Variants in PLEKHF2 observed in about 807,000 individuals in gnomAD.
The protein encoded by PLEKHF2 is pleckstrin homology domain-containing family F member 2.
A neutral mutation model predicts 14.7 loss-of-function variants in PLEKHF2; 4 were observed. The observed-to-expected ratio is 0.27, with a 90% CI of 0.13 to 0.62. PLEKHF2 has a LOEUF of 0.62. Ranked by LOEUF, PLEKHF2 falls within the 20% of genes least tolerant of loss-of-function variation. The probability of loss-of-function intolerance (pLI) is 0.85; values close to 1 mark genes in which losing one functional copy is unlikely to be tolerated. For synonymous variants in PLEKHF2, 90 were observed against 103.5 expected, an observed-to-expected ratio of 0.87 and a Z score of 0.79; for missense variants, 201 against 307.7, an observed-to-expected ratio of 0.65 and a Z score of 2.60.
intron 1 of PLEKHF2, among the ~76,000 whole-genome samples, chr8:95,148,116 A>G (rs1005696256): frequency 1.3e-5 from 2 of 152,100 alleles, no homozygotes; most frequent in South Asian, 2.1e-4. Flanking sequence ...GATGTTTCCT[A>G]TTTCAGATAT....
chr8:95,134,862 C>T (rs1410017357), intron 1 of PLEKHF2, among the ~76,000 whole-genome samples: 2 of 152,122 alleles, frequency 1.3e-5, no homozygotes, highest in African/African-American at 2.4e-5. Context: ...TGAAGAGACT[C>T]ATTAAAGAAA....
chr8:95,137,786 A>G (rs1810392133), intron 1 of PLEKHF2, among the ~76,000 whole-genome samples: 1 of 152,272 alleles, frequency 6.6e-6, no homozygotes. Context: ...CTGCTACTCT[A>G]CAACAGCAGC....
At chr8:95,134,352 C>G (rs1810353061) in intron 1 of PLEKHF2, 1 of 150,198 alleles carries the variant, frequency 6.7e-6, no homozygotes, top group Admixed American at 6.6e-5. Flanking sequence ...GTCCACGGGT[C>G]TGCGGGGCGG....
In PLEKHF2 at chr8:95,156,135, C is replaced by T. The variant is rs990644334; in HGVS notation, c.*1341C>T. ...TATATTTATCATATAAAACTTGATG[C>T]GTTTTGCACTACTCTTTCCATTTAT... On this transcript the variant is annotated 3_prime_UTR_variant, in exon 2 of 2. Coordinates refer to ENST00000315367, the MANE Select transcript of PLEKHF2 (RefSeq NM_024613.4). 4.8e-5 allele frequency: 8 copies of T among 166,968 alleles called. No individual in the cohort carries two copies. The highest frequency in any genetic ancestry group is 1.7e-4 in the African/African-American group (7 of 41,416). 10.3% of individuals were successfully genotyped at this position (166,968 alleles called of 1,614,324 possible).
At chr8:95,138,851 A>G (rs1419241149) in intron 1 of PLEKHF2, among the ~76,000 whole-genome samples, 1 of 152,186 alleles carries the variant, frequency 6.6e-6, no homozygotes, top group Non-Finnish European at 1.5e-5. Context: ...GCTTTTCTAT[A>G]TTATAGACAA....
At chr8:95,143,312 G>C (rs184878947) in intron 1 of PLEKHF2, among the ~76,000 whole-genome samples, 47 of 152,064 alleles carry the variant, frequency 3.1e-4, no homozygotes, top group African/African-American at 1.0e-3. Flanking sequence ...TGTTAGCCAG[G>C]ATGGTTTCGA....
rs748158546 is a variant in PLEKHF2, at chr8:95,154,393, A to G, written c.349A>G (p.Thr117Ala). 3.7e-6 allele frequency: 6 copies of G among 1,614,166 alleles called. No individual in the cohort carries two copies. Among genetic ancestry groups the G allele is most frequent in the Non-Finnish European group, 4.2e-6 (5 of 1,180,010 alleles). ...TTTTGCAGTTTATGCTGCCACTGCT[A>G]CGGAGAAATCAGAATGGATGAATCA... is the stretch of plus-strand genomic sequence containing the variant. ...KSFAVYAATATEKSEWMNHIN... is the reference protein window; with the variant it reads ...KSFAVYAATAAEKSEWMNHIN... The change falls in exon 2 of 2, where the codon ACG (threonine) becomes GCG (alanine). Residue 117 changes from threonine (T) to alanine (A), a missense_variant. Physicochemically the swap from Thr to Ala is moderately conservative, Grantham distance 58. Transcript: ENST00000315367. The surrounding 1 kb of genome is among the most constrained non-coding windows in gnomAD (Gnocchi z 5.6).
intron 1 of PLEKHF2, among the ~76,000 whole-genome samples, chr8:95,143,093 C>CTTTTTTTTTTTTTTTTTTTT (rs35086823): frequency 2.8e-5 from 4 of 141,046 alleles, no homozygotes; most frequent in Non-Finnish European, 3.1e-5. Context: ...AGGAAATAAT[C>CTTTTTTTTTTTTTTTTTTTT]TTTTTTTTTT....
chr8:95,142,336 C>T (rs1381785682), intron 1 of PLEKHF2, among the ~76,000 whole-genome samples: 1 of 152,094 alleles, frequency 6.6e-6, no homozygotes, highest in African/African-American at 2.4e-5. Flanking sequence ...TTCACTGCAG[C>T]GTTGGCCCCC....
In PLEKHF2 at chr8:95,154,150, C is replaced by T; in HGVS notation, c.106C>T (p.Leu36Phe). Residue 36 changes from leucine to phenylalanine, a missense_variant, in exon 2 of 2, where the codon CTT becomes TTT. Transcript: ENST00000315367. This position sits in a 1 kb window ranked among gnomAD's most constrained non-coding sequence, Gnocchi z 5.6. ...GQPLTIPGRVLIGEGVLTKLC... is the reference protein window; with the variant it reads ...GQPLTIPGRVFIGEGVLTKLC... Reference sequence around the variant, plus strand: ...ACCTTTAACTATACCTGGACGAGTTCTTATTGGAGAAGGAGTATTGACTAA... The same window carrying T: ...ACCTTTAACTATACCTGGACGAGTTTTTATTGGAGAAGGAGTATTGACTAA... The T allele has an allele frequency of 6.2e-7, 1 of 1,613,822 alleles. No homozygotes were observed. The highest frequency in any genetic ancestry group is 8.5e-7 in the Non-Finnish European group (1 of 1,179,918).
intron 1 of PLEKHF2, among the ~76,000 whole-genome samples, chr8:95,144,605 G>A (rs1810475198): frequency 6.6e-6 from 1 of 152,210 alleles, no homozygotes; most frequent in East Asian, 1.9e-4. Flanking sequence ...GGTGGCTCAC[G>A]CCTGTAATCC....
At chr8:95,152,777 T>C (rs1470602318) in intron 1 of PLEKHF2, among the ~76,000 whole-genome samples, 1 of 152,134 alleles carries the variant, frequency 6.6e-6, no homozygotes, top group African/African-American at 2.4e-5. Context: ...TCTAGTGTCC[T>C]TTATAATGAA....
chr8:95,154,212 C>T lies in PLEKHF2; in HGVS notation c.168C>T (p.Phe56=). The T allele has an allele frequency of 6.2e-7, 1 of 1,613,778 alleles. No individual in the cohort carries two copies. Among genetic ancestry groups the T allele is most frequent in the Non-Finnish European group, 8.5e-7 (1 of 1,179,910 alleles). Residue 56 remains phenylalanine (F), a synonymous_variant, in exon 2 of 2, where the codon TTC becomes TTT. Transcript: ENST00000315367. This position sits in a 1 kb window ranked among gnomAD's most constrained non-coding sequence, Gnocchi z 5.6. ...CRKKPKARQF[F]LFNDILVYGN... ...AAAAGCCCAAAGCAAGGCAGTTTTT[C>T]TTGTTTAATGATATTCTTGTATATG...
At position 95,154,868 on chromosome 8, in the gene PLEKHF2, G is replaced by A; in HGVS notation, c.*74G>A. ...CTTTGGGGGAAATGTAAGATTCTGA[G>A]CTCTCTCTCTGTTTTGTTCTAGCCA... On this transcript the variant is annotated 3_prime_UTR_variant, in exon 2 of 2. Transcript: ENST00000315367. The surrounding 1 kb of genome is among the most constrained non-coding windows in gnomAD (Gnocchi z 5.6). 1 of 1,532,988 alleles carries A rather than the reference G, an allele frequency of 6.5e-7. No homozygotes were observed. The highest frequency in any genetic ancestry group is 1.8e-5 in the Admixed American group (1 of 55,076). 95.0% of individuals were successfully genotyped at this position (1,532,988 alleles called of 1,614,324 possible).
chr8:95,156,375 A>G lies in PLEKHF2; in HGVS notation c.*1581A>G, dbSNP rs1434856256. ...ATTAGATTTTGAAAGTATCTGAGAT[A>G]TACAAATCTCCCTGTAGGAAATGTG... is the stretch of plus-strand genomic sequence containing the variant. On this transcript the variant is annotated 3_prime_UTR_variant, in exon 2 of 2. Transcript: ENST00000315367. The G allele has an allele frequency of 6.0e-6, 1 of 167,046 alleles. No homozygotes were observed. The highest frequency in any genetic ancestry group is 1.5e-5 in the Non-Finnish European group (1 of 68,114). 10.3% of individuals were successfully genotyped at this position (167,046 alleles called of 1,614,324 possible). A position where few individuals can be genotyped will look rare whatever the true frequency, so the allele number is the denominator to read the frequency against.
Position 95,155,473 on chromosome 8 carries a change from TA to T in PLEKHF2, c.*680del. Reference sequence around the variant, plus strand: ...GGTATTTTCACTCTATATGAATAAATATTTTTCCATAAAATAGTTGTGATTA... The same window carrying T: ...GGTATTTTCACTCTATATGAATAAATTTTTTCCATAAAATAGTTGTGATTA... On this transcript the variant is annotated 3_prime_UTR_variant, in exon 2 of 2. Transcript: ENST00000315367. The T allele has an allele frequency of 6.0e-6, 1 of 167,074 alleles. No individual in the cohort carries two copies. Among genetic ancestry groups the T allele is most frequent in the East Asian group, 1.9e-4 (1 of 5,208 alleles). The allele number at this position is 167,074 out of a possible 1,614,324, so 10.3% of individuals were successfully genotyped here.
chr8:95,144,115 A>G (rs560938912), intron 1 of PLEKHF2, among the ~76,000 whole-genome samples: 13 of 152,212 alleles, frequency 8.5e-5, no homozygotes, highest in East Asian at 7.7e-4. Context: ...AGTTCTTCCA[A>G]TGTGACCCAG....
chr8:95,153,923 A>G, intron 1 of PLEKHF2, 108 bp from the exon 2 acceptor site: 2 of 827,988 alleles, frequency 2.4e-6, no homozygotes, highest in Non-Finnish European at 3.4e-6. Flanking sequence ...ATTTTAGAAC[A>G]TTTTGCCTTT....
intron 1 of PLEKHF2, among the ~76,000 whole-genome samples, chr8:95,145,626 G>A (rs971882524): frequency 7.9e-5 from 12 of 152,022 alleles, no homozygotes; most frequent in East Asian, 5.8e-4. Flanking sequence ...GGGTTTCACC[G>A]TGTTAGCCAG....
Sources: gnomAD v4.1 joint callset for allele counts (sites outside exome capture counted in the v4.1 genomes callset) on GRCh38, gnomAD v4.1.1 for gene constraint, Gnocchi (gnomAD v3.1) non-coding constraint, MANE v1.5 for transcripts, NCBI Gene and HGNC (gene_info 2026-07-23, HGNC 2026-07-21) for gene names.